Variants in PGBD5 observed in about 807,000 individuals in gnomAD.
PGBD5 encodes the protein piggyBac transposable element-derived protein 5.
PGBD5 carries 14 observed loss-of-function variants against 47.9 expected under a neutral mutation model. The ratio of observed to expected loss-of-function variants is 0.29; its 90% confidence interval spans 0.19 to 0.46. The LOEUF is 0.46. Among genes scored for constraint, PGBD5 ranks in the 20% least tolerant of loss-of-function variants. The probability of loss-of-function intolerance (pLI) is 1.00; values close to 1 mark genes in which losing one functional copy is unlikely to be tolerated. For missense variants in PGBD5, 635 were observed against 716.0 expected, an observed-to-expected ratio of 0.89 and a Z score of 1.29; for synonymous variants, 316 against 306.3, an observed-to-expected ratio of 1.03 and a Z score of -0.33.
intron 5 of PGBD5, among the ~76,000 whole-genome samples, chr1:230,326,193 G>A (rs1206303918): frequency 3.3e-5 from 5 of 152,244 alleles, no homozygotes; most frequent in Admixed American, 6.5e-5. Context: ...CAAGGCGGGG[G>A]GATCACCTGA....
rs78282545 is a variant in PGBD5 at position 230,373,141 on chromosome 1, C to T, written c.332-15820G>A. Among the ~76,000 whole-genome samples the T allele has an allele frequency of 3.9e-3, 595 of 152,292 alleles. 4 individuals carry two copies. The highest frequency in any genetic ancestry group is 0.014 in the African/African-American group (572 of 41,558). On this transcript the variant is annotated intron_variant, in intron 1 of 6. Transcript: ENST00000391860. ...AATGCCAGTGAGTAGGGTTACAATT[C>T]GTGCATTTCAGCTTTTGCTCAGGTG...
chr1:230,397,203 C>T (rs1284709287), intron 1 of PGBD5, among the ~76,000 whole-genome samples: 1 of 152,274 alleles, frequency 6.6e-6, no homozygotes, highest in Admixed American at 6.5e-5. Flanking sequence ...TTCCTTCCCA[C>T]TGTTCCCGCT....
chr1:230,358,641 G>A (rs965271041), intron 1 of PGBD5, among the ~76,000 whole-genome samples: 7 of 151,938 alleles, frequency 4.6e-5, no homozygotes, highest in Non-Finnish European at 1.0e-4. Context: ...TAGGATGGTG[G>A]TCCCATGTAA....
chr1:230,383,468 G>A (rs1000294068), intron 1 of PGBD5, among the ~76,000 whole-genome samples: 3 of 151,960 alleles, frequency 2.0e-5, no homozygotes, highest in African/African-American at 4.8e-5. Context: ...GGGCTCAGGC[G>A]ATCCTCTTAC....
intron 1 of PGBD5, among the ~76,000 whole-genome samples, chr1:230,369,386 C>T (rs1401827803): frequency 6.6e-6 from 1 of 152,242 alleles, no homozygotes; most frequent in African/African-American, 2.4e-5. Context: ...CCCTCCATGA[C>T]CAGGGGCATG....
intron 1 of PGBD5, among the ~76,000 whole-genome samples, chr1:230,400,140 C>T (rs747172472): frequency 1.3e-5 from 2 of 152,238 alleles, no homozygotes; most frequent in African/African-American, 4.8e-5. Flanking sequence ...TTCCTCCTTC[C>T]TCCGCGCCTC....
intron 1 of PGBD5, among the ~76,000 whole-genome samples, chr1:230,359,166 A>C (rs1187821888): frequency 6.6e-6 from 1 of 151,920 alleles, no homozygotes; most frequent in African/African-American, 2.4e-5. Context: ...GGTTCAAGCA[A>C]TTCTCCTGCC....
chr1:230,384,930 G>C (rs1656598244), intron 1 of PGBD5, among the ~76,000 whole-genome samples: 1 of 152,144 alleles, frequency 6.6e-6, no homozygotes, highest in African/African-American at 2.4e-5. Flanking sequence ...CTTTTTCCTG[G>C]AGCTGTAGCA....
At chr1:230,355,123 A>G (rs1426185229) in intron 2 of PGBD5, among the ~76,000 whole-genome samples, 4 of 152,150 alleles carry the variant, frequency 2.6e-5, no homozygotes, top group African/African-American at 4.8e-5. Flanking sequence ...TGTTCCTGGT[A>G]CCCCGGTACT....
rs116914044 is a variant in PGBD5 at position 230,327,583 on chromosome 1, T to C, written c.1274-2168A>G. 3.9e-3 allele frequency among the ~76,000 whole-genome samples: 597 copies of C among 152,272 alleles called. 8 individuals are homozygous for C. The East Asian group carries it at 0.052, about 13-fold the overall frequency. ...AAGCTATCCAAGGGCCAGAAAACCATGGCGGCCCCCACACTGGAGCTTCCT... is the reference window on the plus strand; with the variant it reads ...AAGCTATCCAAGGGCCAGAAAACCACGGCGGCCCCCACACTGGAGCTTCCT... On this transcript the variant is annotated intron_variant, in intron 5 of 6. Coordinates refer to ENST00000391860, the MANE Select transcript of PGBD5 (RefSeq NM_001258311.2).
intron 1 of PGBD5, among the ~76,000 whole-genome samples, chr1:230,397,834 A>G (rs1430865465): frequency 2.0e-5 from 3 of 152,176 alleles, no homozygotes; most frequent in Non-Finnish European, 2.9e-5. Flanking sequence ...AAGCTTAACC[A>G]CAGGATGCTG....
At chr1:230,395,400 T>C in intron 1 of PGBD5, among the ~76,000 whole-genome samples, 1 of 16,710 alleles carries the variant, frequency 6.0e-5, no homozygotes, top group Admixed American at 7.9e-4. Context: ...ATCCCTGAGC[T>C]CCTCTCACTC....
chr1:230,347,908 A>G (rs755771652), intron 3 of PGBD5, among the ~76,000 whole-genome samples: 86 of 152,226 alleles, frequency 5.6e-4, no homozygotes, highest in Non-Finnish European at 3.8e-4. Context: ...CAGGTGATCC[A>G]TCCTGGTCAT....
chr1:230,403,654 G>A (rs552904929), intron 1 of PGBD5, among the ~76,000 whole-genome samples: 1 of 152,312 alleles, frequency 6.6e-6, no homozygotes, highest in Admixed American at 6.5e-5. Context: ...AGCAGGTGGC[G>A]CTGCAAGTCC....
rs765421934 is a variant in PGBD5, at chr1:230,350,976, G to A, written c.876C>T (p.Ser292=). The A allele has an allele frequency of 6.2e-7, 1 of 1,614,040 alleles. No homozygotes were observed. The highest frequency in any genetic ancestry group is 1.1e-5 in the South Asian group (1 of 91,056). Residue 292 remains serine, a synonymous_variant, in exon 3 of 7, where the codon TCC becomes TCT. Coordinates refer to ENST00000391860, the MANE Select transcript of PGBD5 (RefSeq NM_001258311.2). ...GGCTCACCTGGATGATGAAGCCAGT[G>A]GAAGAACATTGTCTGACCCAGAGGC... ...KFSLWVRQCS[S]TGFIIQIYVH...
At position 230,410,997 on chromosome 1, in the gene PGBD5, G is replaced by A. The variant is rs571854549; in HGVS notation, c.331+14601C>T. Among the ~76,000 whole-genome samples, 68 of 152,204 alleles carry A rather than the reference G, an allele frequency of 4.5e-4. 1 individual carries two copies. The highest frequency in any genetic ancestry group is 1.6e-3 in the African/African-American group (65 of 41,534). On this transcript the variant is annotated intron_variant, in intron 1 of 6. Transcript: ENST00000391860. The stretch of plus-strand genomic sequence containing the variant: ...AGTAAAGGAAAAGGGAGAGAGGCCA[G>A]GTACAGTGGCTCACACTATCTGTAA...
At chr1:230,344,162 G>A in intron 3 of PGBD5, among the ~76,000 whole-genome samples, 1 of 151,506 alleles carries the variant, frequency 6.6e-6, no homozygotes, top group East Asian at 1.9e-4. Flanking sequence ...GCGGGCACCT[G>A]TAGTCCCAGC....
chr1:230,406,614 T>C lies in PGBD5; in HGVS notation c.331+18984A>G, dbSNP rs1657302722. Among the ~76,000 whole-genome samples, 4 of 152,216 alleles carry C rather than the reference T, an allele frequency of 2.6e-5. No individual in the cohort carries two copies. The South Asian group carries it at 8.3e-4, about 32-fold the overall frequency. On this transcript the variant is annotated intron_variant, in intron 1 of 6. Transcript: ENST00000391860. ...CAACAGAGTTTAGATTATATCATAA[T>C]TATAATCTTTGGAGAATTATTTCAT...
chr1:230,339,864 AT>A (rs747704643), intron 3 of PGBD5, among the ~76,000 whole-genome samples: 9 of 152,144 alleles, frequency 5.9e-5, no homozygotes, highest in Non-Finnish European at 1.3e-4. Flanking sequence ...GTGGGGAGGT[AT>A]TGGTCAAAGA....
Sources: allele counts gnomAD v4.1 joint callset (sites outside exome capture counted in the v4.1 genomes callset), GRCh38; gene constraint gnomAD v4.1.1; transcripts MANE v1.5; gene names NCBI Gene and HGNC (gene_info 2026-07-23, HGNC 2026-07-21).